The following FAM135B variants were observed in gnomAD, a reference collection of about 807,000 sequenced individuals.
FAM135B encodes the protein protein FAM135B.
A neutral mutation model predicts 127.7 loss-of-function variants in FAM135B; 43 were observed. The ratio of observed to expected loss-of-function variants is 0.34; its 90% confidence interval spans 0.26 to 0.43. The LOEUF (loss-of-function observed/expected upper bound fraction) is 0.43, where lower values mean the gene tolerates loss of function less well. FAM135B is among the 20% of genes least tolerant of loss of function. The pLI is 1.00. For synonymous variants in FAM135B, 670 were observed against 665.1 expected, an observed-to-expected ratio of 1.01 and a Z score of -0.11; for missense variants, 1,558 against 1,725.6, an observed-to-expected ratio of 0.90 and a Z score of 1.72.
chr8:138,303,436 G>A (rs1467587104), intron 3 of FAM135B, among the ~76,000 whole-genome samples: 1 of 152,020 alleles, frequency 6.6e-6, no homozygotes, highest in African/African-American at 2.4e-5. Flanking sequence ...GGCCTGTCAG[G>A]GGGCAGGGGG....
At chr8:138,248,324 A>G (rs1821439254) in intron 6 of FAM135B, among the ~76,000 whole-genome samples, 1 of 152,116 alleles carries the variant, frequency 6.6e-6, no homozygotes, top group African/African-American at 2.4e-5. Flanking sequence ...TTTGGTCTAT[A>G]TGTGTTTCTG....
intron 1 of FAM135B, among the ~76,000 whole-genome samples, chr8:138,413,092 T>C (rs1392454574): frequency 6.6e-6 from 1 of 152,192 alleles, no homozygotes; most frequent in Non-Finnish European, 1.5e-5. Context: ...ATTCCCTATA[T>C]TTTTATTTTG....
At chr8:138,400,786 AAAC>A (rs1211470838) in intron 1 of FAM135B, among the ~76,000 whole-genome samples, 1 of 152,162 alleles carries the variant, frequency 6.6e-6, no homozygotes, top group African/African-American at 2.4e-5. Context: ...CCCTAATTTT[AAAC>A]TACTCCAAAA....
intron 2 of FAM135B, among the ~76,000 whole-genome samples, chr8:138,347,663 C>A (rs1587179247): frequency 6.6e-6 from 1 of 152,026 alleles, no homozygotes; most frequent in East Asian, 1.9e-4. Flanking sequence ...AGTCACCTAC[C>A]ATCATCACTC....
At chr8:138,147,106 T>C (rs777860479) in intron 14 of FAM135B, among the ~76,000 whole-genome samples, 1 of 152,140 alleles carries the variant, frequency 6.6e-6, no homozygotes. Flanking sequence ...TGCCCAAACT[T>C]GTAGAGTCAC....
chr8:138,189,000 A>G (rs1815854213), intron 9 of FAM135B, among the ~76,000 whole-genome samples: 1 of 152,324 alleles, frequency 6.6e-6, no homozygotes, highest in Non-Finnish European at 1.5e-5. Flanking sequence ...CCAAAGTAAG[A>G]ACATGCATTT....
intron 1 of FAM135B, among the ~76,000 whole-genome samples, chr8:138,411,597 C>T (rs1587386009): frequency 6.6e-6 from 1 of 152,164 alleles, no homozygotes; most frequent in African/African-American, 2.4e-5. Flanking sequence ...ATGACTAAAA[C>T]ACCAAAAGCA....
intron 2 of FAM135B, among the ~76,000 whole-genome samples, chr8:138,324,659 A>G (rs939470918): frequency 6.6e-6 from 1 of 152,198 alleles, no homozygotes; most frequent in Admixed American, 6.5e-5. Context: ...CCATCCCTGT[A>G]TGGTGGAAAC....
At chr8:138,495,064 T>G (rs899968671) in intron 1 of FAM135B, among the ~76,000 whole-genome samples, 8 of 152,176 alleles carry the variant, frequency 5.3e-5, no homozygotes. Flanking sequence ...TCCACTCTCT[T>G]TTCGTAGTTG....
At chr8:138,277,560 GA>G (rs752526502) in intron 3 of FAM135B, among the ~76,000 whole-genome samples, 2 of 152,166 alleles carry the variant, frequency 1.3e-5, no homozygotes, top group Non-Finnish European at 2.9e-5. Context: ...TTCTTTATCT[GA>G]ACTTCTGCAT....
At chr8:138,391,832 T>C (rs540781663) in intron 1 of FAM135B, among the ~76,000 whole-genome samples, 1 of 152,318 alleles carries the variant, frequency 6.6e-6, no homozygotes, top group South Asian at 2.1e-4. Flanking sequence ...AGACAGGTTA[T>C]GCAACTTGCC....
rs766886136 is a variant in FAM135B at position 138,151,802 on chromosome 8, G to A, written c.2673C>T (p.Pro891=). 1.4e-5 allele frequency: 23 copies of A among 1,614,132 alleles called. No individual in the cohort carries two copies. Among genetic ancestry groups the A allele is most frequent in the Non-Finnish European group, 1.9e-5 (23 of 1,180,032 alleles). ...GTGCTCTATGAAGAGATCTGGTCCT[G>A]GGGTTTTCAAGTGCTATGACGCGTG... is the stretch of plus-strand genomic sequence containing the variant. The part of the protein sequence containing the change: ...KIPRVIALEN[P]RTRSLHRALE... Residue 891 remains proline, a synonymous_variant, in exon 13 of 20, where the codon CCC becomes CCT. Transcript: ENST00000395297.
chr8:138,337,343 G>A (rs992632374), intron 2 of FAM135B, among the ~76,000 whole-genome samples: 16 of 151,996 alleles, frequency 1.1e-4, no homozygotes, highest in African/African-American at 3.9e-4. Context: ...TGACATCATT[G>A]TATATCTAGA....
At chr8:138,466,536 C>T (rs1241757296) in intron 1 of FAM135B, among the ~76,000 whole-genome samples, 13 of 152,154 alleles carry the variant, frequency 8.5e-5, no homozygotes, top group Non-Finnish European at 1.8e-4. Context: ...CCTGATGATG[C>T]TTTCGTGGAA....
chr8:138,442,273 T>TATATATAC (rs1401000002), intron 1 of FAM135B, among the ~76,000 whole-genome samples: 8 of 139,030 alleles, frequency 5.8e-5, no homozygotes, highest in African/African-American at 1.8e-4. Context: ...TATATATATA[T>TATATATAC]ATATGAAAAA....
chr8:138,175,847 C>A (rs1246744228), intron 11 of FAM135B, among the ~76,000 whole-genome samples: 1 of 152,132 alleles, frequency 6.6e-6, no homozygotes, highest in Non-Finnish European at 1.5e-5. Context: ...TATACAGCAC[C>A]TTTACTATAT....
intron 2 of FAM135B, among the ~76,000 whole-genome samples, chr8:138,350,141 C>A (rs374561838): frequency 2.2e-4 from 34 of 152,168 alleles, no homozygotes; most frequent in Non-Finnish European, 4.6e-4. Flanking sequence ...AGTCCCCAAG[C>A]AAACTCCTTT....
intron 3 of FAM135B, among the ~76,000 whole-genome samples, chr8:138,279,487 C>T (rs1398296): frequency 0.34 from 52,267 of 152,096 alleles, 9,339 homozygotes; most frequent in South Asian, 0.42. Context: ...ATCTTCCCAA[C>T]TGGAAGGCAG....
intron 1 of FAM135B, among the ~76,000 whole-genome samples, chr8:138,374,189 C>T (rs977560845): frequency 6.6e-6 from 1 of 152,156 alleles, no homozygotes; most frequent in Non-Finnish European, 1.5e-5. Flanking sequence ...TACTCTGTCC[C>T]TTTATTTCTC....
Sources: gnomAD v4.1 joint callset for allele counts (sites outside exome capture counted in the v4.1 genomes callset) on GRCh38, gnomAD v4.1.1 for gene constraint, MANE v1.5 for transcripts, NCBI Gene and HGNC (gene_info 2026-07-23, HGNC 2026-07-21) for gene names.